The following NRXN3 variants were observed in gnomAD, a reference collection of about 807,000 sequenced individuals.
NRXN3 encodes neurexin III.
NRXN3 carries 32 observed loss-of-function variants against 137.6 expected under a neutral mutation model. The ratio of observed to expected loss-of-function variants is 0.23; its 90% CI spans 0.18 to 0.31. The LOEUF (loss-of-function observed/expected upper bound fraction) is 0.31. Among genes scored for constraint, NRXN3 ranks in the 10% least tolerant of loss-of-function variants. The pLI is 1.00. For synonymous variants in NRXN3, 798 were observed against 784.5 expected (o/e 1.02, Z -0.29); for missense variants, 1,574 against 2,062.5 (o/e 0.76, Z 4.59).
At chr14:78,331,455 A>G (rs1442838851) in intron 4 of NRXN3, among the ~76,000 whole-genome samples, 2 of 152,204 alleles carry the variant, frequency 1.3e-5, no homozygotes, top group African/African-American at 4.8e-5. Flanking sequence ...ATGTTCCAAG[A>G]TCCCAAGATG....
At chr14:78,838,052 T>A (rs2099001921) in intron 10 of NRXN3, among the ~76,000 whole-genome samples, 1 of 152,160 alleles carries the variant, frequency 6.6e-6, no homozygotes, top group African/African-American at 2.4e-5. Context: ...GATTATCAGC[T>A]ATGGAGTGAT....
chr14:78,332,350 C>G lies in NRXN3; in HGVS notation c.757+34490C>G, dbSNP rs370444531. Among the ~76,000 whole-genome samples the G allele has an allele frequency of 3.3e-4, 44 of 135,302 alleles. 1 individual carries two copies. Among genetic ancestry groups the G allele is most frequent in the Middle Eastern group, 8.7e-3 (2 of 230 alleles). The allele number at this position is 135,302 out of a possible 152,430, so 88.8% of individuals were successfully genotyped here. A position where few individuals can be genotyped will look rare whatever the true frequency, so the allele number is the denominator to read the frequency against. ...TTTTTTTTTTTGATGGAGTCTTGCTCTGTTGCCCAGGCTGGAGTGCAGTGG... is the reference window on the plus strand; with the variant it reads ...TTTTTTTTTTTGATGGAGTCTTGCTGTGTTGCCCAGGCTGGAGTGCAGTGG... On this transcript the variant is annotated intron_variant, in intron 4 of 20. Coordinates refer to ENST00000335750, the MANE Select transcript of NRXN3 (RefSeq NM_001330195.2).
chr14:78,440,409 G>C (rs1029402876), intron 4 of NRXN3, among the ~76,000 whole-genome samples: 10 of 150,654 alleles, frequency 6.6e-5, no homozygotes, highest in Non-Finnish European at 1.2e-4. Flanking sequence ...TGTTATTGCA[G>C]CTATTATTTT....
At chr14:79,401,673 T>A (rs1210178996) in intron 15 of NRXN3, among the ~76,000 whole-genome samples, 1 of 152,198 alleles carries the variant, frequency 6.6e-6, no homozygotes, top group Non-Finnish European at 1.5e-5. Context: ...AGGGAGGTGT[T>A]GCTCTTTCAG....
At chr14:79,749,438 T>TG (rs1461188971) in intron 19 of NRXN3, among the ~76,000 whole-genome samples, 2 of 116,270 alleles carry the variant, frequency 1.7e-5, no homozygotes, top group African/African-American at 2.8e-5. Flanking sequence ...TCAGTGTTGT[T>TG]TTTTTTTTTG....
chr14:79,048,623 CTTTTTT>C (rs56880456), intron 15 of NRXN3, among the ~76,000 whole-genome samples: 1 of 146,736 alleles, frequency 6.8e-6, no homozygotes, highest in Non-Finnish European at 1.5e-5. Flanking sequence ...TTCAGTGAGT[CTTTTTT>C]TTTTTTTATT....
chr14:78,219,363 A>G (rs971877421), intron 1 of NRXN3, among the ~76,000 whole-genome samples: 1 of 152,204 alleles, frequency 6.6e-6, no homozygotes, highest in East Asian at 1.9e-4. Flanking sequence ...GAGACATTGA[A>G]TAGGGTGAGA....
chr14:78,743,069 G>A (rs777125984), intron 8 of NRXN3, among the ~76,000 whole-genome samples: 4 of 152,198 alleles, frequency 2.6e-5, no homozygotes, highest in Admixed American at 6.5e-5. Flanking sequence ...ATGCAGGCAA[G>A]TGTGGTTTTA....
intron 16 of NRXN3, among the ~76,000 whole-genome samples, chr14:79,585,412 C>T (rs2097756637): frequency 6.6e-6 from 1 of 152,056 alleles, no homozygotes; most frequent in Non-Finnish European, 1.5e-5. Flanking sequence ...AGAGGCTGGG[C>T]ACGGTGGCTC....
chr14:79,845,480 A>C (rs2099365180), intron 20 of NRXN3, among the ~76,000 whole-genome samples: 2 of 151,390 alleles, frequency 1.3e-5, no homozygotes, highest in South Asian at 4.2e-4. Flanking sequence ...AGTGTTATTA[A>C]TTTGTCTAAT....
At chr14:79,465,591 T>C (rs780842840) in intron 15 of NRXN3, among the ~76,000 whole-genome samples, 16 of 152,218 alleles carry the variant, frequency 1.1e-4, no homozygotes, top group Non-Finnish European at 1.8e-4. Context: ...AAGAGTTAAC[T>C]TTATTATTTC....
At chr14:78,511,236 G>A (rs1017152529) in intron 4 of NRXN3, among the ~76,000 whole-genome samples, 4 of 152,308 alleles carry the variant, frequency 2.6e-5, no homozygotes, top group South Asian at 2.1e-4. Flanking sequence ...CATATATGGG[G>A]ACATTGGGCG....
chr14:78,797,043 T>C (rs1177534151), intron 8 of NRXN3, among the ~76,000 whole-genome samples: 1 of 151,950 alleles, frequency 6.6e-6, no homozygotes, highest in East Asian at 1.9e-4. Flanking sequence ...AGGGCAAAAA[T>C]CTAACTGACC....
At chr14:78,819,222 A>AT (rs2098943484) in intron 10 of NRXN3, among the ~76,000 whole-genome samples, 1 of 152,080 alleles carries the variant, frequency 6.6e-6, no homozygotes, top group Non-Finnish European at 1.5e-5. Context: ...AATCCATTTT[A>AT]TGTGTCTAAT....
intron 10 of NRXN3, among the ~76,000 whole-genome samples, chr14:78,865,797 A>G (rs901448151): frequency 2.6e-5 from 4 of 152,196 alleles, no homozygotes; most frequent in Non-Finnish European, 4.4e-5. Flanking sequence ...TAAGGCAGTC[A>G]GTATACAGAG....
At chr14:78,927,660 T>G (rs554261712) in intron 10 of NRXN3, among the ~76,000 whole-genome samples, 96 of 152,204 alleles carry the variant, frequency 6.3e-4, no homozygotes, top group Non-Finnish European at 7.9e-4. Context: ...TTAAGCTTTT[T>G]GTGCCTCATC....
chr14:78,431,613 G>A (rs2093881480), intron 4 of NRXN3, among the ~76,000 whole-genome samples: 1 of 152,052 alleles, frequency 6.6e-6, no homozygotes, highest in Non-Finnish European at 1.5e-5. Flanking sequence ...GTGTTGGGGA[G>A]TATATCTTTG....
At chr14:79,328,475 G>A (rs1053986748) in intron 15 of NRXN3, among the ~76,000 whole-genome samples, 3 of 152,168 alleles carry the variant, frequency 2.0e-5, no homozygotes, top group Non-Finnish European at 2.9e-5. Context: ...TACATAATTT[G>A]CACAATGAAA....
At chr14:78,540,690 T>C (rs1299364351) in intron 4 of NRXN3, among the ~76,000 whole-genome samples, 1 of 152,208 alleles carries the variant, frequency 6.6e-6, no homozygotes, top group Non-Finnish European at 1.5e-5. Context: ...TGCCCATTAA[T>C]TGATGCAGTT....
Sources: allele counts gnomAD v4.1 joint callset (sites outside exome capture counted in the v4.1 genomes callset), GRCh38; gene constraint gnomAD v4.1.1; transcripts MANE v1.5; gene names NCBI Gene and HGNC (gene_info 2026-07-23, HGNC 2026-07-21).